The following FANCD2 variants were observed in gnomAD, a reference collection of about 807,000 sequenced individuals.
FANCD2 encodes FA complementation group D2.
Under a neutral mutation model 192.3 loss-of-function variants are expected in FANCD2, and 131 were observed. That is an observed-to-expected ratio of 0.68 (90% CI 0.59 to 0.79). FANCD2 has a LOEUF of 0.79. FANCD2 is among the 30% of genes least tolerant of loss of function. FANCD2 has a pLI of 0.00. For synonymous variants in FANCD2, 524 were observed against 612.5 expected, an observed-to-expected ratio of 0.86 and a Z score of 2.13; for missense variants, 1,508 against 1,701.6, an observed-to-expected ratio of 0.89 and a Z score of 2.00.
intron 42 of FANCD2, among the ~76,000 whole-genome samples, chr3:10,096,982 A>C (rs942121221): frequency 7.9e-5 from 12 of 152,304 alleles, no homozygotes; most frequent in African/African-American, 2.9e-4. Flanking sequence ...CAAAAGAGAG[A>C]AATTTTAAAG....
rs573398821 is a variant in FANCD2 at position 10,070,016 on chromosome 3, G to A, written c.2494+2699G>A. On this transcript the variant is annotated intron_variant, in intron 26 of 43. Coordinates refer to ENST00000675286, the MANE Select transcript of FANCD2 (RefSeq NM_001018115.3). ...GGCCGCCATCCCATCTAGGAAGTGA[G>A]GAGCGTCTCTGCCCGGCCACCCATC... is the stretch of plus-strand genomic sequence containing the variant. 1.9e-4 allele frequency among the ~76,000 whole-genome samples: 29 copies of A among 151,712 alleles called. No homozygotes were observed. The South Asian group carries it at 5.2e-3, about 27-fold the overall frequency.
rs1349881828 is a variant in FANCD2 at position 10,043,048 on chromosome 3, A to G, written c.889-2A>G. 2.5e-6 allele frequency: 4 copies of G among 1,613,390 alleles called. No individual in the cohort carries two copies. In the African/African-American group the frequency reaches 4.0e-5, roughly 16 times the overall value. ...ACCATAGCTAATATTTACTTTCTGC[A>G]GGTAATTTCTGAGCTTCGGGAGAAG... is the stretch of plus-strand genomic sequence containing the variant. On this transcript the variant is annotated splice_acceptor_variant, in intron 11 of 43. Transcript: ENST00000675286. LOFTEE classifies it high-confidence loss of function.
At chr3:10,094,502 A>G (rs974929313) in intron 40 of FANCD2, 139 bp downstream of exon 40, 2 of 776,370 alleles carry the variant, frequency 2.6e-6, no homozygotes, top group African/African-American at 1.7e-5. Context: ...GAGATCCCCA[A>G]ATTGGACTGA....
intron 18 of FANCD2, among the ~76,000 whole-genome samples, chr3:10,057,603 T>A (rs1481161608): frequency 1.3e-5 from 2 of 152,188 alleles, no homozygotes; most frequent in African/African-American, 4.8e-5. Context: ...AACCTCATGA[T>A]CTGCCTGTCT....
chr3:10,031,014 T>A (rs1336989983), intron 2 of FANCD2, among the ~76,000 whole-genome samples: 1 of 152,002 alleles, frequency 6.6e-6, no homozygotes, highest in Non-Finnish European at 1.5e-5. Flanking sequence ...ATATAGGAAA[T>A]TACTGAAAGT....
chr3:10,038,591 T>G (rs1201522162), intron 7 of FANCD2, among the ~76,000 whole-genome samples: 1 of 150,482 alleles, frequency 6.6e-6, no homozygotes, highest in East Asian at 1.9e-4. Context: ...TTTTTTTTTT[T>G]TTTTTTGAGA....
chr3:10,052,621 C>G, intron 18 of FANCD2, 124 bp downstream of exon 18: 4 of 706,910 alleles, frequency 5.7e-6, no homozygotes, highest in Non-Finnish European at 1.0e-5. Context: ...TGGGTTCAAG[C>G]GATTCTCCTG....
intron 26 of FANCD2, among the ~76,000 whole-genome samples, chr3:10,070,098 C>T (rs1239948326): frequency 6.7e-6 from 1 of 149,456 alleles, no homozygotes; most frequent in Non-Finnish European, 1.5e-5. Flanking sequence ...GTGAGGAGCG[C>T]CTCTGCCCGG....
At chr3:10,057,180 T>G (rs2087437542) in intron 18 of FANCD2, among the ~76,000 whole-genome samples, 1 of 152,124 alleles carries the variant, frequency 6.6e-6, no homozygotes, top group Admixed American at 6.5e-5. Context: ...AAATTAGGTT[T>G]TTGTCGTTTT....
chr3:10,084,740 G>A (rs895467116), intron 32 of FANCD2, among the ~76,000 whole-genome samples: 1 of 152,226 alleles, frequency 6.6e-6, no homozygotes, highest in South Asian at 2.1e-4. Context: ...CTGGTGATCA[G>A]GAAGATGCTT....
chr3:10,099,487 C>T (rs775041266), intron 43 of FANCD2: 11 of 292,230 alleles, frequency 3.8e-5, no homozygotes, highest in Middle Eastern at 1.4e-3. Context: ...AACCTGGGTG[C>T]GGTGGCTCAC....
intron 32 of FANCD2, 101 bp from the exon 33 acceptor site, chr3:10,085,711 G>A (rs951909943): frequency 1.3e-5 from 11 of 833,198 alleles, no homozygotes; most frequent in Admixed American, 3.4e-5. Context: ...TTTTCAAACC[G>A]TTAAACTATT....
chr3:10,036,849 A>G (rs1300449232), intron 7 of FANCD2, among the ~76,000 whole-genome samples: 2 of 151,922 alleles, frequency 1.3e-5, no homozygotes, highest in East Asian at 3.9e-4. Flanking sequence ...TTTGTAGTGT[A>G]TGTTCAGACA....
intron 7 of FANCD2, chr3:10,037,441 A>T (rs1426886245): frequency 6.6e-6 from 1 of 152,196 alleles, no homozygotes; most frequent in Non-Finnish European, 1.5e-5. Context: ...AGAGCAATAG[A>T]TTGTATGTGT....
intron 5 of FANCD2, among the ~76,000 whole-genome samples, 157 bp downstream of exon 5, chr3:10,034,955 G>A (rs2086693402): frequency 6.6e-6 from 1 of 152,150 alleles, no homozygotes; most frequent in African/African-American, 2.4e-5. Flanking sequence ...TAAGCTTGTG[G>A]TTATGAGCCT....
chr3:10,041,635 A>G lies in FANCD2; in HGVS notation c.708A>G (p.Ile236Met), dbSNP rs1198306746. The change falls in exon 10 of 44, where the codon ATA (isoleucine) becomes ATG (methionine). Residue 236 changes from isoleucine to methionine, a missense_variant. Transcript: ENST00000675286. ...CTACCATTCACAGTGACCTACTGAT[A>G]GAGAATACTTCACTCACTGTCCCAA... is the stretch of plus-strand genomic sequence containing the variant. Reference protein sequence around the residue: ...DVGKELSDLLIENTSLTVPIL... With the variant: ...DVGKELSDLLMENTSLTVPIL... 2 of 1,613,022 alleles carry G rather than the reference A, an allele frequency of 1.2e-6. No individual in the cohort carries two copies. Among genetic ancestry groups the G allele is most frequent in the South Asian group, 2.2e-5 (2 of 91,054 alleles).
intron 37 of FANCD2, among the ~76,000 whole-genome samples, chr3:10,091,553 G>A (rs574266816): frequency 4.8e-4 from 73 of 151,856 alleles, no homozygotes; most frequent in Non-Finnish European, 8.7e-4. Flanking sequence ...TACTTGTCTA[G>A]CTCCGTTCTG....
At chr3:10,069,962 A>G (rs1270256915) in intron 26 of FANCD2, among the ~76,000 whole-genome samples, 1 of 132,956 alleles carries the variant, frequency 7.5e-6, no homozygotes, top group Non-Finnish European at 1.6e-5. Flanking sequence ...CAGGCTGCCC[A>G]GTCTGGAAAG....
At chr3:10,072,028 G>A (rs907463257) in intron 26 of FANCD2, among the ~76,000 whole-genome samples, 2 of 151,980 alleles carry the variant, frequency 1.3e-5, no homozygotes, top group Non-Finnish European at 2.9e-5. Context: ...CCAAAGTGCT[G>A]GGATTACAGG....
Sources: allele counts gnomAD v4.1 joint callset (sites outside exome capture counted in the v4.1 genomes callset), GRCh38; gene constraint gnomAD v4.1.1; transcripts MANE v1.5; gene names NCBI Gene and HGNC (gene_info 2026-07-23, HGNC 2026-07-21).